KLHL32: variants seen among roughly 807,000 people sequenced by gnomAD.
KLHL32 encodes kelch like family member 32, also known as kelch-like protein 32.
In KLHL32, 35 loss-of-function variants were observed where a neutral mutation model predicts 64.8. That is an observed-to-expected ratio of 0.54 (90% CI 0.41 to 0.72). The LOEUF is 0.72. KLHL32 is among the 30% of genes least tolerant of loss of function. The pLI, the probability that KLHL32 is intolerant of heterozygous loss-of-function variation, is 0.00. For missense variants in KLHL32, 589 were observed against 768.5 expected, an observed-to-expected ratio of 0.77 and a Z score of 2.76; for synonymous variants, 259 against 281.0, an observed-to-expected ratio of 0.92 and a Z score of 0.78.
At chr6:96,975,014 C>T (rs1464183152) in intron 2 of KLHL32, among the ~76,000 whole-genome samples, 2 of 152,188 alleles carry the variant, frequency 1.3e-5, no homozygotes, top group Non-Finnish European at 2.9e-5. Context: ...AGTCCAATAC[C>T]AGTTCTGAGA....
chr6:96,991,388 G>A lies in KLHL32; in HGVS notation c.204+15211G>A, dbSNP rs184588705. 5.9e-5 allele frequency among the ~76,000 whole-genome samples: 9 copies of A among 151,976 alleles called. No homozygotes were observed. In the East Asian group the frequency reaches 1.7e-3, roughly 30 times the overall value. ...GGGTTTCTCTCCGTATGGTGGCTGGGTGTGCTAGGGATGTCAGCATAGCAA... is the reference window on the plus strand; with the variant it reads ...GGGTTTCTCTCCGTATGGTGGCTGGATGTGCTAGGGATGTCAGCATAGCAA... On this transcript the variant is annotated intron_variant, in intron 3 of 10. Transcript: ENST00000369261.
the KLHL32 span, among the ~76,000 whole-genome samples, chr6:96,899,347 A>C: frequency 6.6e-6 from 1 of 152,184 alleles, no homozygotes; most frequent in East Asian, 1.9e-4. Context: ...GGGTGCTAAG[A>C]AATTTTAATC....
intron 1 of KLHL32, among the ~76,000 whole-genome samples, chr6:96,949,879 T>A (rs1772361592): frequency 6.6e-6 from 1 of 152,102 alleles, no homozygotes; most frequent in Non-Finnish European, 1.5e-5. Flanking sequence ...TTTACTGACT[T>A]AAAAATTTTT....
At chr6:97,096,519 T>C (rs1795012308) in intron 6 of KLHL32, among the ~76,000 whole-genome samples, 1 of 152,260 alleles carries the variant, frequency 6.6e-6, no homozygotes, top group Admixed American at 6.5e-5. Context: ...CAGAAGCAGC[T>C]GTATAGATGC....
intron 5 of KLHL32, among the ~76,000 whole-genome samples, chr6:97,083,069 C>T (rs1055048500): frequency 6.6e-6 from 1 of 152,114 alleles, no homozygotes; most frequent in Non-Finnish European, 1.5e-5. Flanking sequence ...TTTATGCCAA[C>T]CCTATGAGCT....
At chr6:97,051,661 T>C (rs1346704758) in intron 4 of KLHL32, among the ~76,000 whole-genome samples, 1 of 152,192 alleles carries the variant, frequency 6.6e-6, no homozygotes, top group African/African-American at 2.4e-5. Flanking sequence ...AATTTCTGAG[T>C]GTTGACTGCA....
At position 96,953,559 on chromosome 6, in the gene KLHL32, G is replaced by A. The variant is rs371040722; in HGVS notation, c.-65-13437G>A. 3.3e-5 allele frequency among the ~76,000 whole-genome samples: 5 copies of A among 152,044 alleles called. No individual in the cohort carries two copies. The East Asian group carries it at 5.8e-4, about 18-fold the overall frequency. On this transcript the variant is annotated intron_variant, in intron 1 of 10. Transcript: ENST00000369261. ...GCAGGAGAATTGCTTGAACCTGGGA[G>A]GTGGAGGTTGCAGTGAGCCGAGATT...
chr6:97,053,481 A>G (rs1055565572), intron 4 of KLHL32, among the ~76,000 whole-genome samples: 1 of 152,158 alleles, frequency 6.6e-6, no homozygotes, highest in African/African-American at 2.4e-5. Flanking sequence ...AAATTACTTT[A>G]TCTTTGAAAA....
At chr6:97,018,869 T>C (rs556894647) in intron 3 of KLHL32, among the ~76,000 whole-genome samples, 1 of 152,288 alleles carries the variant, frequency 6.6e-6, no homozygotes, top group South Asian at 2.1e-4. Context: ...AAGGAGAAAT[T>C]AACAAATTCT....
At chr6:97,050,969 C>T (rs1786803066) in intron 4 of KLHL32, among the ~76,000 whole-genome samples, 1 of 152,204 alleles carries the variant, frequency 6.6e-6, no homozygotes, top group Non-Finnish European at 1.5e-5. Flanking sequence ...TGCCACTGCA[C>T]TCCAGCCTGG....
intron 1 of KLHL32, among the ~76,000 whole-genome samples, chr6:96,934,787 G>A (rs1196823971): frequency 1.3e-5 from 2 of 152,292 alleles, no homozygotes; most frequent in East Asian, 1.9e-4. Context: ...AGCATTGATA[G>A]TGATTACATG....
At position 97,107,137 on chromosome 6, in the gene KLHL32, C is replaced by A. The variant is rs184275014; in HGVS notation, c.628-6646C>A. 3.8e-3 allele frequency among the ~76,000 whole-genome samples: 575 copies of A among 151,984 alleles called. 2 individuals carry two copies. Among genetic ancestry groups the A allele is most frequent in the African/African-American group, 0.013 (527 of 41,466 alleles). ...GAAACCCTGTCTCTTACTAAAAATA[C>A]AAAAAATTAGCTGGGCGTGGTGGCA... On this transcript the variant is annotated intron_variant, in intron 6 of 10. Coordinates refer to ENST00000369261, the MANE Select transcript of KLHL32 (RefSeq NM_052904.4).
intron 3 of KLHL32, among the ~76,000 whole-genome samples, chr6:97,014,469 G>GT (rs1351825042): frequency 6.6e-6 from 1 of 152,014 alleles, no homozygotes; most frequent in African/African-American, 2.4e-5. Context: ...TATGGTGATG[G>GT]TGTTTGCACA....
At chr6:97,086,227 C>T (rs1360289826) in intron 6 of KLHL32, among the ~76,000 whole-genome samples, 1 of 152,184 alleles carries the variant, frequency 6.6e-6, no homozygotes, top group Non-Finnish European at 1.5e-5. Flanking sequence ...AACAGTGAAT[C>T]CCTGGTATCT....
chr6:97,085,121 C>T lies in KLHL32; in HGVS notation c.412-5C>T, dbSNP rs755136216. ...CTTTTTTCATTTTTATTTTTTGGCA[C>T]CCAGGAATTAAATAGCTTTAATTAC... On this transcript the variant is annotated splice_region_variant and splice_polypyrimidine_tract_variant and intron_variant, in intron 5 of 10. Transcript: ENST00000369261. 1.2e-6 allele frequency: 2 copies of T among 1,606,568 alleles called. No individual in the cohort carries two copies. The highest frequency in any genetic ancestry group is 2.2e-5 in the East Asian group (1 of 44,786).
intron 3 of KLHL32, among the ~76,000 whole-genome samples, chr6:96,976,888 C>T (rs1179349430): frequency 6.6e-6 from 1 of 152,148 alleles, no homozygotes; most frequent in Non-Finnish European, 1.5e-5. Flanking sequence ...CACACACCAC[C>T]GCGGCCAGCC....
chr6:97,002,523 T>C (rs529451768), intron 3 of KLHL32, among the ~76,000 whole-genome samples: 1 of 152,328 alleles, frequency 6.6e-6, no homozygotes, highest in East Asian at 1.9e-4. Flanking sequence ...GTTTGTTATA[T>C]AGGTAAATTG....
At chr6:97,032,201 ATAAG>A (rs1363196939) in intron 3 of KLHL32, among the ~76,000 whole-genome samples, 8 of 152,244 alleles carry the variant, frequency 5.3e-5, no homozygotes, top group African/African-American at 1.9e-4. Flanking sequence ...TTTGAAATAC[ATAAG>A]TAATACATGT....
intron 3 of KLHL32, among the ~76,000 whole-genome samples, chr6:97,017,397 G>C (rs778010584): frequency 5.3e-5 from 8 of 152,250 alleles, no homozygotes; most frequent in Non-Finnish European, 8.8e-5. Flanking sequence ...ATCATTGGGA[G>C]AGTTGCTGCC....
Sources: allele counts gnomAD v4.1 joint callset (sites outside exome capture counted in the v4.1 genomes callset), GRCh38; gene constraint gnomAD v4.1.1; transcripts MANE v1.5; gene names NCBI Gene and HGNC (gene_info 2026-07-23, HGNC 2026-07-21).